Variants in SLC24A3 observed in about 807,000 individuals in gnomAD.
The protein encoded by SLC24A3 is solute carrier family 24 member 3.
In SLC24A3, 28 loss-of-function variants were observed where a neutral mutation model predicts 75.8. The ratio of observed to expected loss-of-function variants is 0.37; its 90% confidence interval spans 0.27 to 0.51. The LOEUF (loss-of-function observed/expected upper bound fraction) is 0.51, where lower values mean the gene tolerates loss of function less well. Ranked by LOEUF, SLC24A3 falls within the 20% of genes least tolerant of loss-of-function variation. The pLI is 0.94. For missense variants in SLC24A3, 663 were observed against 847.8 expected, an observed-to-expected ratio of 0.78 and a Z score of 2.71; for synonymous variants, 372 against 334.1, an observed-to-expected ratio of 1.11 and a Z score of -1.24.
Position 19,590,601 on chromosome 20 carries a change from C to G in SLC24A3, c.612+5057C>G, listed in dbSNP as rs183933648. Among the ~76,000 whole-genome samples the G allele has an allele frequency of 5.0e-3, 761 of 152,322 alleles. 5 individuals carry two copies. Among genetic ancestry groups the G allele is most frequent in the African/African-American group, 0.017 (717 of 41,570 alleles). The stretch of plus-strand genomic sequence containing the variant: ...GGGCAGGTGTGGCAGAAGGCCTCAT[C>G]CAGGAGCCAGCGTGCTTCCGTACAT... On this transcript the variant is annotated intron_variant, in intron 6 of 16. Coordinates refer to ENST00000328041, the MANE Select transcript of SLC24A3 (RefSeq NM_020689.4).
At chr20:19,607,815 C>T (rs2031617477) in intron 6 of SLC24A3, among the ~76,000 whole-genome samples, 1 of 152,210 alleles carries the variant, frequency 6.6e-6, no homozygotes, top group African/African-American at 2.4e-5. Flanking sequence ...ACTGATAAGG[C>T]TTCCTGAGCC....
At chr20:19,636,868 T>C (rs977161302) in intron 6 of SLC24A3, among the ~76,000 whole-genome samples, 1 of 152,168 alleles carries the variant, frequency 6.6e-6, no homozygotes, top group African/African-American at 2.4e-5. Context: ...ATAATTCCAG[T>C]AATAGAAATC....
intron 6 of SLC24A3, among the ~76,000 whole-genome samples, chr20:19,626,144 A>C (rs541356070): frequency 1.3e-5 from 2 of 152,326 alleles, no homozygotes; most frequent in East Asian, 1.9e-4. Flanking sequence ...CACTAAGTCC[A>C]ATCAAAATCC....
intron 2 of SLC24A3, among the ~76,000 whole-genome samples, chr20:19,382,882 T>G (rs181960026): frequency 2.6e-5 from 4 of 152,294 alleles, no homozygotes; most frequent in African/African-American, 9.6e-5. Flanking sequence ...GGCCGCCCCA[T>G]GTCTCTACGG....
At chr20:19,395,108 G>A (rs929349488) in intron 2 of SLC24A3, among the ~76,000 whole-genome samples, 1 of 152,158 alleles carries the variant, frequency 6.6e-6, no homozygotes, top group Non-Finnish European at 1.5e-5. Context: ...ATACTATATG[G>A]TGTAACTTAT....
intron 3 of SLC24A3, among the ~76,000 whole-genome samples, chr20:19,528,327 G>A (rs1359111089): frequency 6.6e-6 from 1 of 152,146 alleles, no homozygotes; most frequent in Non-Finnish European, 1.5e-5. Flanking sequence ...CTCACCATAA[G>A]CTAGGGACAC....
intron 2 of SLC24A3, among the ~76,000 whole-genome samples, chr20:19,401,924 T>C (rs576090334): frequency 6.6e-6 from 1 of 152,202 alleles, no homozygotes; most frequent in Non-Finnish European, 1.5e-5. Context: ...CACGTTTTAT[T>C]GATCACCTTC....
chr20:19,642,654 C>G (rs1479324718), intron 6 of SLC24A3, among the ~76,000 whole-genome samples: 1 of 152,220 alleles, frequency 6.6e-6, no homozygotes, highest in Non-Finnish European at 1.5e-5. Flanking sequence ...ATCCTGTGAA[C>G]AGCTAAGGTG....
chr20:19,284,480 TATG>T (rs1198685286), intron 2 of SLC24A3: 1 of 152,648 alleles, frequency 6.6e-6, no homozygotes, highest in Non-Finnish European at 1.5e-5. Flanking sequence ...CCTTCCTATT[TATG>T]ATGATGTCAG....
chr20:19,462,190 G>A (rs6112391), intron 2 of SLC24A3, among the ~76,000 whole-genome samples: 11,713 of 152,100 alleles, frequency 0.077, 817 homozygotes, highest in African/African-American at 0.19. Flanking sequence ...CCCCCTGGAG[G>A]GACTAGGAAA....
chr20:19,236,520 G>A (rs1940458927), intron 1 of SLC24A3, among the ~76,000 whole-genome samples: 1 of 152,064 alleles, frequency 6.6e-6, no homozygotes, highest in Admixed American at 6.5e-5. Context: ...GGAAGGCTGG[G>A]GTGGGAGGAT....
intron 6 of SLC24A3, among the ~76,000 whole-genome samples, chr20:19,593,274 G>T (rs893751117): frequency 4.6e-5 from 7 of 152,190 alleles, no homozygotes; most frequent in African/African-American, 1.7e-4. Flanking sequence ...TGCCAAATGA[G>T]CCCAGGGCTA....
At chr20:19,348,243 A>C (rs1235831174) in intron 2 of SLC24A3, among the ~76,000 whole-genome samples, 2 of 152,190 alleles carry the variant, frequency 1.3e-5, no homozygotes, top group South Asian at 2.1e-4. Context: ...TTCACACTTC[A>C]GATAGGCCCC....
rs549112134 is a variant in SLC24A3 at position 19,419,899 on chromosome 20, A to G, written c.272-95589A>G. On this transcript the variant is annotated intron_variant, in intron 2 of 16. Transcript: ENST00000328041. ...TTGTGCAGGTTAGTTACATATGTATACATGTGCCATGCTGGTGCGCTGCAC... is the reference window on the plus strand; with the variant it reads ...TTGTGCAGGTTAGTTACATATGTATGCATGTGCCATGCTGGTGCGCTGCAC... Among the ~76,000 whole-genome samples, 447 of 134,898 alleles carry G rather than the reference A, an allele frequency of 3.3e-3. 8 individuals are homozygous for G. The highest frequency in any genetic ancestry group is 0.012 in the African/African-American group (430 of 34,840). The allele number at this position is 134,898 out of a possible 152,430, so 88.5% of individuals were successfully genotyped here.
At chr20:19,456,620 A>G (rs912887280) in intron 2 of SLC24A3, among the ~76,000 whole-genome samples, 1 of 152,178 alleles carries the variant, frequency 6.6e-6, no homozygotes, top group Non-Finnish European at 1.5e-5. Context: ...CATTCTTTAA[A>G]TCTTTCCACA....
At chr20:19,333,272 G>A (rs544859355) in intron 2 of SLC24A3, among the ~76,000 whole-genome samples, 3 of 152,190 alleles carry the variant, frequency 2.0e-5, no homozygotes, top group Admixed American at 6.5e-5. Flanking sequence ...CATTCAGTTG[G>A]TTATGAAGAG....
At chr20:19,498,113 A>G (rs1251364780) in intron 2 of SLC24A3, among the ~76,000 whole-genome samples, 3 of 152,150 alleles carry the variant, frequency 2.0e-5, no homozygotes, top group Admixed American at 1.3e-4. Context: ...CACACTCCTC[A>G]TGAAATTCTA....
chr20:19,214,167 C>T (rs1180448216), intron 1 of SLC24A3, among the ~76,000 whole-genome samples: 2 of 152,138 alleles, frequency 1.3e-5, no homozygotes, highest in East Asian at 1.9e-4. Context: ...TTCATTCAGT[C>T]TTAGCAGACC....
At chr20:19,652,494 A>G (rs77885846) in intron 6 of SLC24A3, among the ~76,000 whole-genome samples, 2,842 of 152,324 alleles carry the variant, frequency 0.019, 82 homozygotes, top group African/African-American at 0.064. Flanking sequence ...AGAATGAAAA[A>G]AGGGTAAAGA....
Sources: allele counts gnomAD v4.1 joint callset (sites outside exome capture counted in the v4.1 genomes callset), GRCh38; gene constraint gnomAD v4.1.1; transcripts MANE v1.5; gene names NCBI Gene and HGNC (gene_info 2026-07-23, HGNC 2026-07-21).